The following KCNJ15 variants were observed in gnomAD, a reference collection of about 807,000 sequenced individuals.
The protein encoded by KCNJ15 is ATP-sensitive inward rectifier potassium channel 15.
Under a neutral mutation model 23.0 loss-of-function variants are expected in KCNJ15, and 14 were observed. The observed-to-expected ratio is 0.61, with a 90% CI of 0.40 to 0.95. The LOEUF is 0.95. KCNJ15 is among the 40% of genes least tolerant of loss of function. KCNJ15 has a pLI of 0.00. For synonymous variants in KCNJ15, 185 were observed against 183.2 expected (o/e 1.01, Z -0.08); for missense variants, 388 against 461.8 (o/e 0.84, Z 1.46).
rs185996019 is a variant in KCNJ15 at position 38,243,991 on chromosome 21, G to T, written c.-398-13055G>T. Among the ~76,000 whole-genome samples, 150 of 152,170 alleles carry T rather than the reference G, an allele frequency of 9.9e-4. 2 individuals are homozygous for T. The highest frequency in any genetic ancestry group is 3.3e-3 in the African/African-American group (139 of 41,528). On this transcript the variant is annotated intron_variant, in intron 1 of 4. Transcript: ENST00000547341. ...AGATCATTTAAGTTTCATTTCTATT[G>T]TTGGCCATTTGTTATATGAATAAAG...
At chr21:38,280,621 A>C (rs1983224807) in intron 1 of KCNJ15, among the ~76,000 whole-genome samples, 1 of 152,160 alleles carries the variant, frequency 6.6e-6, no homozygotes. Context: ...GTTTCCCATA[A>C]ATGAAGTTTC....
At chr21:38,277,379 G>A (rs1299580130) in intron 1 of KCNJ15, among the ~76,000 whole-genome samples, 1 of 152,146 alleles carries the variant, frequency 6.6e-6, no homozygotes, top group African/African-American at 2.4e-5. Context: ...TAATTTCCAG[G>A]CTAATTTTGT....
At chr21:38,278,027 T>A (rs1982914858) in intron 1 of KCNJ15, among the ~76,000 whole-genome samples, 1 of 152,200 alleles carries the variant, frequency 6.6e-6, no homozygotes, top group Admixed American at 6.5e-5. Context: ...CATGATTCCG[T>A]CTGCATCACG....
chr21:38,248,600 C>T (rs1210865716), intron 1 of KCNJ15, among the ~76,000 whole-genome samples: 2 of 152,310 alleles, frequency 1.3e-5, no homozygotes, highest in East Asian at 1.9e-4. Flanking sequence ...TAAGGCAGCT[C>T]AGGATCTCTG....
chr21:38,247,816 T>G (rs1445156976), intron 1 of KCNJ15, among the ~76,000 whole-genome samples: 1 of 152,202 alleles, frequency 6.6e-6, no homozygotes, highest in Non-Finnish European at 1.5e-5. Context: ...CATGGTCCAG[T>G]GTGCAACTAT....
At chr21:38,290,373 A>G (rs1239832676) in intron 1 of KCNJ15, among the ~76,000 whole-genome samples, 1 of 152,176 alleles carries the variant, frequency 6.6e-6, no homozygotes, top group Non-Finnish European at 1.5e-5. Context: ...TTTAGTACTT[A>G]TGGAATTTCA....
At chr21:38,244,391 C>T (rs76013469) in intron 1 of KCNJ15, among the ~76,000 whole-genome samples, 2,627 of 152,248 alleles carry the variant, frequency 0.017, 71 homozygotes, top group African/African-American at 0.06. Flanking sequence ...GCAGGGACCA[C>T]GACACATCCC....
Position 38,306,486 on chromosome 21 carries a change from G to A in KCNJ15, c.*6097G>A, listed in dbSNP as rs565155008. On this transcript the variant is annotated 3_prime_UTR_variant, in exon 3 of 3. Transcript: ENST00000398938. ...TAGAAGAGTAAAGAGCTTCCAAGAA[G>A]GTGATTGGAGGGAAGTTCAAAGGGA... 22 of 152,288 alleles carry A rather than the reference G, an allele frequency of 1.4e-4. No homozygotes were observed. Among genetic ancestry groups the A allele is most frequent in the Middle Eastern group, 3.4e-3 (1 of 292 alleles). 9.4% of individuals were successfully genotyped at this position (152,288 alleles called of 1,614,324 possible).
intron 1 of KCNJ15, among the ~76,000 whole-genome samples, chr21:38,264,419 C>G (rs1296362053): frequency 6.6e-6 from 1 of 152,222 alleles, no homozygotes; most frequent in Non-Finnish European, 1.5e-5. Flanking sequence ...CTTGGCCCCA[C>G]TTTACAATGG....
At chr21:38,259,898 C>G (rs1980698756) in intron 1 of KCNJ15, among the ~76,000 whole-genome samples, 1 of 152,154 alleles carries the variant, frequency 6.6e-6, no homozygotes, top group Admixed American at 6.6e-5. Context: ...GGTGAAGGAG[C>G]AGTGTGACCC....
chr21:38,291,298 C>T (rs912804335), intron 1 of KCNJ15, among the ~76,000 whole-genome samples: 21 of 152,172 alleles, frequency 1.4e-4, no homozygotes, highest in Non-Finnish European at 1.5e-5. Flanking sequence ...CCCCACAGTC[C>T]TCCAATGTTC....
rs376976552 is a variant in KCNJ15, at chr21:38,244,887, C to A, written c.-398-12159C>A. Among the ~76,000 whole-genome samples the A allele has an allele frequency of 4.3e-4, 65 of 152,230 alleles. No individual in the cohort carries two copies. The South Asian group carries it at 0.01, about 24-fold the overall frequency. On this transcript the variant is annotated intron_variant, in intron 1 of 4. Coordinates refer to the KCNJ15 transcript ENST00000547341. ...GACTACCAGCAGGTACTCTGAATCT[C>A]TTTTCTTTCTAATAAGATGTAATCA...
intron 1 of KCNJ15, among the ~76,000 whole-genome samples, chr21:38,275,550 CA>C (rs1165535798): frequency 7.1e-6 from 1 of 141,020 alleles, no homozygotes; most frequent in African/African-American, 2.6e-5. Context: ...AAGCAAAAAG[CA>C]AATGGGAAAC....
At chr21:38,262,229 C>T (rs1168635518) in intron 1 of KCNJ15, among the ~76,000 whole-genome samples, 1 of 152,192 alleles carries the variant, frequency 6.6e-6, no homozygotes, top group Non-Finnish European at 1.5e-5. Context: ...TTGTACTCTT[C>T]CTACCAACGC....
At chr21:38,260,429 T>C (rs1157969411) in intron 1 of KCNJ15, among the ~76,000 whole-genome samples, 1 of 152,258 alleles carries the variant, frequency 6.6e-6, no homozygotes, top group East Asian at 1.9e-4. Context: ...TTCATGTGTC[T>C]GCATTTCTTT....
At chr21:38,271,187 T>C (rs189502055) in intron 1 of KCNJ15, among the ~76,000 whole-genome samples, 13 of 152,386 alleles carry the variant, frequency 8.5e-5, no homozygotes, top group African/African-American at 2.9e-4. Context: ...AGTCCGTCTC[T>C]CTGTGCTTTT....
intron 1 of KCNJ15, among the ~76,000 whole-genome samples, chr21:38,245,096 G>T (rs1444285543): frequency 2.0e-5 from 3 of 151,938 alleles, no homozygotes; most frequent in Non-Finnish European, 4.4e-5. Flanking sequence ...TACAGGCGCC[G>T]TCATCACAGG....
In KCNJ15 at chr21:38,299,880, T is replaced by G. The variant is rs745651544; in HGVS notation, c.619T>G (p.Leu207Val). 6.2e-7 allele frequency: 1 copy of G among 1,614,060 alleles called. No individual in the cohort carries two copies. The highest frequency in any genetic ancestry group is 2.2e-5 in the East Asian group (1 of 44,868). ...IQVANMRKSL[L>V]IQCQLSGKLL... is the part of the protein sequence containing the mutation. Reference sequence around the variant, plus strand: ...GGTAGCCAATATGAGGAAGAGCCTCTTGATTCAGTGCCAGCTCTCTGGCAA... The same window carrying G: ...GGTAGCCAATATGAGGAAGAGCCTCGTGATTCAGTGCCAGCTCTCTGGCAA... Residue 207 changes from leucine (L) to valine (V), a missense_variant, in exon 3 of 3, where the codon TTG becomes GTG. Leu to Val is a conservative substitution (Grantham distance 32). Coordinates refer to ENST00000398938, the MANE Select transcript of KCNJ15 (RefSeq NM_170736.3). This position sits in a 1 kb window ranked among gnomAD's most constrained non-coding sequence, Gnocchi z 4.5.
chr21:38,283,671 G>A (rs1983588206), intron 1 of KCNJ15, among the ~76,000 whole-genome samples: 1 of 152,146 alleles, frequency 6.6e-6, no homozygotes, highest in South Asian at 2.1e-4. Context: ...GACTCAAGCA[G>A]TCTAACATAA....
Sources: allele counts gnomAD v4.1 joint callset (sites outside exome capture counted in the v4.1 genomes callset), GRCh38; gene constraint gnomAD v4.1.1; non-coding constraint Gnocchi (gnomAD v3.1); transcripts MANE v1.5; gene names NCBI Gene and HGNC (gene_info 2026-07-23, HGNC 2026-07-21).